NTRK3: variants seen among roughly 807,000 people sequenced by gnomAD.
NTRK3 encodes the protein NT-3 growth factor receptor.
A neutral mutation model predicts 91.7 loss-of-function variants in NTRK3; 24 were observed. That is an observed-to-expected ratio of 0.26 (90% CI 0.19 to 0.37). The LOEUF (loss-of-function observed/expected upper bound fraction) is 0.37, where lower values mean the gene tolerates loss of function less well. NTRK3 is among the 10% of genes least tolerant of loss of function. The pLI is 1.00. For missense variants in NTRK3, 880 were observed against 1,068.9 expected, an observed-to-expected ratio of 0.82 and a Z score of 2.46; for synonymous variants, 483 against 404.0, an observed-to-expected ratio of 1.20 and a Z score of -2.34.
At position 88,127,047 on chromosome 15, in the gene NTRK3, C is replaced by CT. The variant is rs1008689227; in HGVS notation, c.1293+114dup. ...TGCCTGAACGTAGTTCAATTCATTA[C>CT]TTTTTTTTTTCAAAGTTTCAAGTAA... On this transcript the variant is annotated intron_variant, in intron 12 of 18. Transcript: ENST00000394480. The CT allele has an allele frequency of 8.6e-3, 7,254 of 843,040 alleles. 3 individuals carry two copies. Among genetic ancestry groups the CT allele is most frequent in the Middle Eastern group, 0.011 (51 of 4,438 alleles). The allele number at this position is 843,040 out of a possible 1,614,324, so 52.2% of individuals were successfully genotyped here. A position where few individuals can be genotyped will look rare whatever the true frequency, so the allele number is the denominator to read the frequency against.
rs914458749 is a variant in NTRK3 at position 88,054,990 on chromosome 15, A to G, written c.1397-21945T>C. On this transcript the variant is annotated intron_variant, in intron 13 of 18. Transcript: ENST00000394480. ...GCAGGTAGAAATTAACAGAGCTGGG[A>G]TTTCAACTCCTATGTAGCTAACCTC... Among the ~76,000 whole-genome samples, 18 of 152,156 alleles carry G rather than the reference A, an allele frequency of 1.2e-4. No individual in the cohort carries two copies. The South Asian group carries it at 3.7e-3, about 31-fold the overall frequency.
chr15:87,936,564 G>C (rs531243207), intron 15 of NTRK3, among the ~76,000 whole-genome samples: 2 of 149,028 alleles, frequency 1.3e-5, no homozygotes, highest in East Asian at 3.9e-4. Flanking sequence ...TTTAGGGGGA[G>C]ATATTTCAAA....
intron 14 of NTRK3, among the ~76,000 whole-genome samples, chr15:87,949,745 A>T (rs943193112): frequency 1.3e-5 from 2 of 152,094 alleles, no homozygotes; most frequent in Non-Finnish European, 2.9e-5. Flanking sequence ...CCTGGTCTCT[A>T]TATTCTGTTG....
intron 13 of NTRK3, among the ~76,000 whole-genome samples, chr15:88,097,439 G>A (rs2049728154): frequency 2.0e-5 from 3 of 152,178 alleles, no homozygotes; most frequent in South Asian, 4.1e-4. Context: ...AGAGGAATGG[G>A]AAGAGATAGT....
chr15:88,095,541 C>G (rs959021217), intron 13 of NTRK3, among the ~76,000 whole-genome samples: 19 of 152,274 alleles, frequency 1.2e-4, no homozygotes, highest in Middle Eastern at 6.8e-3. Context: ...CACTTTCAGA[C>G]CTGCTTGCTA....
intron 5 of NTRK3, among the ~76,000 whole-genome samples, chr15:88,175,719 A>T (rs539536951): frequency 2.0e-5 from 3 of 152,214 alleles, no homozygotes; most frequent in Non-Finnish European, 4.4e-5. Context: ...TCAATTCTTC[A>T]TATACATTAA....
At chr15:88,148,139 G>T (rs1393756996) in intron 5 of NTRK3, among the ~76,000 whole-genome samples, 1 of 152,200 alleles carries the variant, frequency 6.6e-6, no homozygotes, top group Non-Finnish European at 1.5e-5. Context: ...TGGCAGTGCT[G>T]ATTCCATTTA....
intron 3 of NTRK3, among the ~76,000 whole-genome samples, chr15:88,244,640 C>T (rs2052658576): frequency 6.6e-6 from 1 of 152,174 alleles, no homozygotes; most frequent in Admixed American, 6.5e-5. Context: ...CCCTTCCCTC[C>T]CTGCAGAAAT....
chr15:87,914,957 T>C (rs7168017), intron 17 of NTRK3, among the ~76,000 whole-genome samples: 70,620 of 152,042 alleles, frequency 0.46, 17,676 homozygotes, highest in African/African-American at 0.66. Flanking sequence ...AAGCACAGAC[T>C]ATAATGGTGA....
intron 13 of NTRK3, among the ~76,000 whole-genome samples, chr15:88,079,072 C>T (rs370558372): frequency 3.9e-5 from 6 of 152,058 alleles, no homozygotes; most frequent in East Asian, 1.9e-4. Context: ...GGAGCCCAGT[C>T]GGTGGATGTG....
At chr15:87,942,212 T>C (rs1306717195) in intron 14 of NTRK3, among the ~76,000 whole-genome samples, 2 of 152,220 alleles carry the variant, frequency 1.3e-5, no homozygotes, top group Non-Finnish European at 2.9e-5. Flanking sequence ...TTACAGACTA[T>C]TATTTTCTCC....
chr15:88,021,146 C>T (rs1157043168), intron 14 of NTRK3, among the ~76,000 whole-genome samples: 1 of 152,238 alleles, frequency 6.6e-6, no homozygotes, highest in Non-Finnish European at 1.5e-5. Flanking sequence ...TCCCCTGATC[C>T]ATTTAAGTGG....
At chr15:88,158,582 T>G (rs1389642328) in intron 5 of NTRK3, among the ~76,000 whole-genome samples, 1 of 152,236 alleles carries the variant, frequency 6.6e-6, no homozygotes, top group Non-Finnish European at 1.5e-5. Flanking sequence ...TGTTTCTTCA[T>G]GTTGTCTGCT....
chr15:87,866,764 C>T, exon 19 of NTRK3: 1 of 191,972 alleles, frequency 5.2e-6, no homozygotes, highest in East Asian at 8.2e-5. Flanking sequence ...ATATAAACCT[C>T]TCTGGTGCCA....
chr15:87,913,131 G>T (rs2067215041), intron 17 of NTRK3, among the ~76,000 whole-genome samples: 1 of 151,430 alleles, frequency 6.6e-6, no homozygotes, highest in South Asian at 2.1e-4. Context: ...TATACAAGTT[G>T]TAAGAAAAGA....
At chr15:87,869,266 C>T in exon 19 of NTRK3, 1 of 230,446 alleles carries the variant, frequency 4.3e-6, no homozygotes, top group East Asian at 6.1e-5. Context: ...ACAGAGAAAG[C>T]AGAGTCAGTG....
chr15:88,239,903 G>A (rs1046230874), intron 3 of NTRK3, among the ~76,000 whole-genome samples: 6 of 152,198 alleles, frequency 3.9e-5, no homozygotes, highest in African/African-American at 1.4e-4. Flanking sequence ...TCTCAGGCCT[G>A]ACAGCCAAAC....
intron 17 of NTRK3, among the ~76,000 whole-genome samples, chr15:87,912,243 A>C (rs1406185533): frequency 6.6e-6 from 1 of 152,206 alleles, no homozygotes; most frequent in Admixed American, 6.5e-5. Flanking sequence ...CCTTGCCACA[A>C]AGCCTTATTA....
intron 13 of NTRK3, among the ~76,000 whole-genome samples, chr15:88,049,941 T>C (rs1053670465): frequency 2.6e-5 from 4 of 152,234 alleles, no homozygotes; most frequent in Non-Finnish European, 4.4e-5. Context: ...CACTTGGCAT[T>C]GTGCTCCTGA....
Sources: gnomAD v4.1 joint callset for allele counts (sites outside exome capture counted in the v4.1 genomes callset) on GRCh38, gnomAD v4.1.1 for gene constraint, MANE v1.5 for transcripts, NCBI Gene and HGNC (gene_info 2026-07-23, HGNC 2026-07-21) for gene names.